ZNF469: variants seen among roughly 807,000 people sequenced by gnomAD.
The protein encoded by ZNF469 is zinc finger protein 469.
In ZNF469, 1 loss-of-function variant was observed where a neutral mutation model predicts 1.0. The observed-to-expected ratio is 1.00, with a 90% CI of 0.35 to 4.73. The LOEUF (loss-of-function observed/expected upper bound fraction) is 4.73, where lower values mean the gene tolerates loss of function less well. Among genes scored for constraint, ZNF469 ranks in the 30% most tolerant of loss-of-function variants. The pLI, the probability that ZNF469 is intolerant of heterozygous loss-of-function variation, is 0.16. For synonymous variants in ZNF469, 2,703 were observed against 2,363.4 expected (o/e 1.14, Z -4.17); for missense variants, 6,100 against 5,356.3 (o/e 1.14, Z -4.33).
At chr16:88,251,536 G>GTGTTTTTTTTTTTTTTTTTTTTTTTTT in the ZNF469 span, among the ~76,000 whole-genome samples, 9 of 78,788 alleles carry the variant, frequency 1.1e-4, 1 homozygote, top group Admixed American at 1.6e-4. Flanking sequence ...TGTCCCTGCT[G>GTGTTTTTTTTTTTTTTTTTTTTTTTTT]TCTTTTTTTT....
At chr16:88,122,287 G>A in the ZNF469 span, among the ~76,000 whole-genome samples, 3 of 150,120 alleles carry the variant, frequency 2.0e-5, no homozygotes, top group Non-Finnish European at 3.0e-5. Flanking sequence ...CACTTGCTAC[G>A]GCCACGATGG....
At chr16:88,221,383 G>A in the ZNF469 span, among the ~76,000 whole-genome samples, 1 of 152,186 alleles carries the variant, frequency 6.6e-6, no homozygotes, top group East Asian at 1.9e-4. Context: ...GTGCCTGGCC[G>A]CCACACTTCC....
chr16:88,376,592 GTTTTC>G, the ZNF469 span, among the ~76,000 whole-genome samples: 2 of 152,250 alleles, frequency 1.3e-5, no homozygotes, highest in South Asian at 2.1e-4. Context: ...CACCGCCTCT[GTTTTC>G]TTTTCATTAG....
the ZNF469 span, among the ~76,000 whole-genome samples, chr16:88,182,842 T>G: frequency 2.0e-5 from 3 of 151,958 alleles, no homozygotes; most frequent in Non-Finnish European, 4.4e-5. Context: ...AGTCAAAGAT[T>G]CTTAGATAGG....
At chr16:88,123,175 C>T in the ZNF469 span, among the ~76,000 whole-genome samples, 1 of 152,186 alleles carries the variant, frequency 6.6e-6, no homozygotes, top group Non-Finnish European at 1.5e-5. Context: ...GGCCCTGCTC[C>T]ACCCCTTGTA....
At chr16:88,366,445 A>T in the ZNF469 span, among the ~76,000 whole-genome samples, 1 of 151,630 alleles carries the variant, frequency 6.6e-6, no homozygotes. Flanking sequence ...CACAACCACC[A>T]TCATCACCAC....
chr16:88,374,484 C>G, the ZNF469 span, among the ~76,000 whole-genome samples: 1 of 152,162 alleles, frequency 6.6e-6, no homozygotes, highest in Non-Finnish European at 1.5e-5. Flanking sequence ...TAGCTGGGGG[C>G]CCCGACAGGG....
Position 88,430,918 on chromosome 16 carries a change from G to C in ZNF469, c.3448G>C (p.Gly1150Arg), listed in dbSNP as rs754292270. 18 of 1,536,684 alleles carry C rather than the reference G, an allele frequency of 1.2e-5. No individual in the cohort carries two copies. The South Asian group carries it at 2.1e-4, about 18-fold the overall frequency. The change falls in exon 3 of 3, where the codon GGA (glycine) becomes CGA (arginine). Residue 1150 changes from glycine to arginine, a missense_variant. By Grantham distance (125) the Gly-to-Arg change is moderately radical (BLOSUM62 -2). Coordinates refer to ENST00000565624, the MANE Select transcript of ZNF469 (RefSeq NM_001367624.2). ...GGCGAGGCAGGAAGCCGGCGGGGAC[G>C]GAGCCCCCGCGAACCCCGAGGAGCC... is the stretch of plus-strand genomic sequence containing the variant. ...KAARQEAGGD[G>R]APANPEEPGG...
chr16:88,429,431 C>G lies in ZNF469; in HGVS notation c.1961C>G (p.Pro654Arg), dbSNP rs754019937. 1.9e-6 allele frequency: 3 copies of G among 1,542,858 alleles called. No individual in the cohort carries two copies. In the South Asian group the frequency reaches 3.6e-5, roughly 18 times the overall value. Residue 654 changes from proline (P) to arginine (R), a missense_variant, in exon 3 of 3, where the codon CCC becomes CGC. Physicochemically the swap from Pro to Arg is moderately radical, Grantham distance 103. Transcript: ENST00000565624. ...TGSPFPSPEP[P>R]HSLPTHYQPE... ...AGCCCCTTCCCGTCCCCGGAGCCCC[C>G]CCACTCCCTCCCCACCCACTACCAG... is the stretch of plus-strand genomic sequence containing the variant.
chr16:88,134,992 C>T, the ZNF469 span, among the ~76,000 whole-genome samples: 1 of 152,218 alleles, frequency 6.6e-6, no homozygotes, highest in South Asian at 2.1e-4. Context: ...GTCCCCAGGC[C>T]GCTCCTCCCT....
the ZNF469 span, among the ~76,000 whole-genome samples, chr16:88,373,728 G>A: frequency 6.6e-6 from 1 of 152,216 alleles, no homozygotes; most frequent in Admixed American, 6.5e-5. Flanking sequence ...AGGGTGCGGT[G>A]GCTCACGCCT....
the ZNF469 span, among the ~76,000 whole-genome samples, chr16:88,143,566 C>G: frequency 1.8e-4 from 27 of 151,900 alleles, no homozygotes; most frequent in African/African-American, 6.6e-4. Context: ...GGCCATGCGT[C>G]TCCCTGCAGC....
the ZNF469 span, among the ~76,000 whole-genome samples, chr16:88,249,549 G>C: frequency 7.0e-6 from 1 of 143,186 alleles, no homozygotes; most frequent in Admixed American, 7.2e-5. Flanking sequence ...CCATTCTCCT[G>C]CCTCAGCCTC....
chr16:88,102,690 A>G, the ZNF469 span, among the ~76,000 whole-genome samples: 1 of 152,194 alleles, frequency 6.6e-6, no homozygotes, highest in Admixed American at 6.5e-5. Context: ...CCCAGACTTC[A>G]AGGAGTGTTT....
At chr16:88,317,100 CG>C in the ZNF469 span, among the ~76,000 whole-genome samples, 5 of 152,186 alleles carry the variant, frequency 3.3e-5, no homozygotes, top group African/African-American at 4.8e-5. Context: ...TTGAGGAGAG[CG>C]CCACATGGGC....
chr16:88,405,078 G>A (rs1206180308), intron 1 of ZNF469, among the ~76,000 whole-genome samples: 1 of 152,152 alleles, frequency 6.6e-6, no homozygotes, highest in East Asian at 1.9e-4. Context: ...GGCAGGGGAG[G>A]GTAGCTCCAC....
chr16:88,152,603 C>G, the ZNF469 span, among the ~76,000 whole-genome samples: 1 of 152,162 alleles, frequency 6.6e-6, no homozygotes, highest in Non-Finnish European at 1.5e-5. The surrounding 1 kb of genome is among the most constrained non-coding windows in gnomAD (Gnocchi z 4.2). Flanking sequence ...CAGGCGGGCT[C>G]TGTGGTGCTT....
At chr16:88,210,747 C>G in the ZNF469 span, among the ~76,000 whole-genome samples, 3 of 152,232 alleles carry the variant, frequency 2.0e-5, no homozygotes, top group Non-Finnish European at 4.4e-5. Flanking sequence ...GTCCTCAGGT[C>G]TATTTCCGGG....
the ZNF469 span, among the ~76,000 whole-genome samples, chr16:88,125,689 A>T: frequency 2.0e-5 from 3 of 152,260 alleles, no homozygotes; most frequent in Admixed American, 6.5e-5. Context: ...TCTGAAGAGA[A>T]ATCAGAGTAT....
Sources: gnomAD v4.1 joint callset for allele counts (sites outside exome capture counted in the v4.1 genomes callset) on GRCh38, gnomAD v4.1.1 for gene constraint, Gnocchi (gnomAD v3.1) non-coding constraint, MANE v1.5 for transcripts, NCBI Gene and HGNC (gene_info 2026-07-23, HGNC 2026-07-21) for gene names.